SCHIP1: variants seen among roughly 807,000 people sequenced by gnomAD.
SCHIP1 encodes schwannomin-interacting protein 1.
Under a neutral mutation model 29.7 loss-of-function variants are expected in SCHIP1, and 8 were observed. The ratio of observed to expected loss-of-function variants is 0.27; its 90% CI spans 0.16 to 0.49. The LOEUF is 0.49. SCHIP1 is among the 20% of genes least tolerant of loss of function. The probability of loss-of-function intolerance (pLI) is 0.99; values close to 1 mark genes in which losing one functional copy is unlikely to be tolerated. For missense variants in SCHIP1, 193 were observed against 294.6 expected (o/e 0.66, Z 2.52); for synonymous variants, 76 against 94.9 (o/e 0.80, Z 1.16).
At chr3:159,375,336 T>C in the SCHIP1 span, among the ~76,000 whole-genome samples, 2 of 152,198 alleles carry the variant, frequency 1.3e-5, no homozygotes, top group South Asian at 2.1e-4. Flanking sequence ...TTTTCACAGA[T>C]GGGCAGGAGG....
At chr3:159,751,323 CA>C in the SCHIP1 span, among the ~76,000 whole-genome samples, 1 of 152,080 alleles carries the variant, frequency 6.6e-6, no homozygotes, top group Non-Finnish European at 1.5e-5. Flanking sequence ...CTCACAAAGC[CA>C]AAAATATTTA....
chr3:159,680,579 C>CTATATATAA, the SCHIP1 span, among the ~76,000 whole-genome samples: 2 of 98,010 alleles, frequency 2.0e-5, no homozygotes, highest in Non-Finnish European at 3.7e-5. Context: ...TATAATATAT[C>CTATATATAA]TATATATAAT....
At chr3:159,627,816 C>CA in the SCHIP1 span, among the ~76,000 whole-genome samples, 11 of 152,282 alleles carry the variant, frequency 7.2e-5, no homozygotes, top group African/African-American at 2.2e-4. Flanking sequence ...GAGGCAATGT[C>CA]AATATTGTGT....
chr3:159,711,211 A>AAAAATGTT, the SCHIP1 span, among the ~76,000 whole-genome samples: 3 of 129,866 alleles, frequency 2.3e-5, no homozygotes, highest in African/African-American at 4.0e-5. Context: ...AATTTAAAAA[A>AAAAATGTT]TTAGCCGGGC....
the SCHIP1 span, among the ~76,000 whole-genome samples, chr3:159,701,834 A>G: frequency 3.9e-5 from 6 of 152,160 alleles, no homozygotes; most frequent in Non-Finnish European, 8.8e-5. Context: ...TGAGGGAAAG[A>G]GTAATAGGAG....
chr3:159,580,773 C>T, the SCHIP1 span, among the ~76,000 whole-genome samples: 1 of 152,202 alleles, frequency 6.6e-6, no homozygotes, highest in Non-Finnish European at 1.5e-5. Context: ...AGTGCTCTCA[C>T]ATGGCTTCAC....
chr3:159,641,558 A>G, the SCHIP1 span, among the ~76,000 whole-genome samples: 1 of 152,146 alleles, frequency 6.6e-6, no homozygotes, highest in Non-Finnish European at 1.5e-5. Context: ...AAATGGCAAC[A>G]TATCTTATAA....
chr3:159,284,162 G>T, the SCHIP1 span, among the ~76,000 whole-genome samples: 1 of 151,942 alleles, frequency 6.6e-6, no homozygotes, highest in Non-Finnish European at 1.5e-5. Context: ...TGATAAAACC[G>T]TACAGCCACA....
chr3:159,659,762 G>A, the SCHIP1 span, among the ~76,000 whole-genome samples: 2 of 152,178 alleles, frequency 1.3e-5, no homozygotes, highest in Non-Finnish European at 2.9e-5. Flanking sequence ...ATGAAGGAAA[G>A]TCATGACATA....
At chr3:159,729,091 T>C in the SCHIP1 span, among the ~76,000 whole-genome samples, 1 of 151,734 alleles carries the variant, frequency 6.6e-6, no homozygotes, top group African/African-American at 2.4e-5. Context: ...GAGGTTGCAG[T>C]GAGCTGAGAT....
the SCHIP1 span, among the ~76,000 whole-genome samples, chr3:159,539,611 G>A: frequency 7.4e-6 from 1 of 135,306 alleles, no homozygotes; most frequent in South Asian, 2.5e-4. Context: ...TACAGTCCTC[G>A]TGTATCTGTG....
At chr3:159,577,398 C>T in the SCHIP1 span, among the ~76,000 whole-genome samples, 1 of 152,142 alleles carries the variant, frequency 6.6e-6, no homozygotes, top group Non-Finnish European at 1.5e-5. Flanking sequence ...TCTGAGCACC[C>T]AAATGTGTTC....
the SCHIP1 span, among the ~76,000 whole-genome samples, chr3:159,452,120 G>A: frequency 1.3e-5 from 2 of 151,098 alleles, no homozygotes; most frequent in Non-Finnish European, 1.5e-5. Flanking sequence ...GCCAAAAAAG[G>A]TCTCAAAACA....
the SCHIP1 span, among the ~76,000 whole-genome samples, chr3:159,755,983 C>G: frequency 6.6e-6 from 1 of 152,238 alleles, no homozygotes; most frequent in Non-Finnish European, 1.5e-5. Context: ...CAGGATGCAG[C>G]CTCCCTCCCG....
the SCHIP1 span, among the ~76,000 whole-genome samples, chr3:159,602,687 C>T: frequency 3.2e-4 from 48 of 148,778 alleles, no homozygotes; most frequent in Middle Eastern, 3.4e-3. Context: ...CTAGCCTGGG[C>T]GACAGAGCTA....
chr3:159,786,920 G>C, the SCHIP1 span, among the ~76,000 whole-genome samples: 1 of 152,114 alleles, frequency 6.6e-6, no homozygotes, highest in Non-Finnish European at 1.5e-5. Flanking sequence ...GAGCACTGAA[G>C]ACAGTTTTGA....
the SCHIP1 span, among the ~76,000 whole-genome samples, chr3:159,829,751 G>T: frequency 3.5e-4 from 53 of 152,250 alleles, no homozygotes; most frequent in African/African-American, 1.2e-3. Context: ...ATAAAATTAC[G>T]CAAGTTGCCC....
At chr3:159,555,728 A>G in the SCHIP1 span, among the ~76,000 whole-genome samples, 1 of 152,192 alleles carries the variant, frequency 6.6e-6, no homozygotes, top group Admixed American at 6.5e-5. Flanking sequence ...TGTACTAAAA[A>G]CTTTGTTGTG....
the SCHIP1 span, among the ~76,000 whole-genome samples, chr3:159,446,162 A>T: frequency 6.6e-6 from 1 of 152,026 alleles, no homozygotes; most frequent in Admixed American, 6.6e-5. Context: ...GGGTGCTACC[A>T]ACTCTTTCAG....
Sources: gnomAD v4.1 joint callset for allele counts (sites outside exome capture counted in the v4.1 genomes callset) on GRCh38, gnomAD v4.1.1 for gene constraint, MANE v1.5 for transcripts, NCBI Gene and HGNC (gene_info 2026-07-23, HGNC 2026-07-21) for gene names.